GTPBP10: variants seen among roughly 807,000 people sequenced by gnomAD.
GTPBP10 encodes GTP-binding protein 10.
Under a neutral mutation model 44.8 loss-of-function variants are expected in GTPBP10, and 38 were observed. That is an observed-to-expected ratio of 0.85 (90% CI 0.65 to 1.11). The LOEUF (loss-of-function observed/expected upper bound fraction) is 1.11. Among genes scored for constraint, GTPBP10 ranks in the 50% most tolerant of loss-of-function variants. The pLI is 0.00. For missense variants in GTPBP10, 462 were observed against 453.7 expected (o/e 1.02, Z -0.17); for synonymous variants, 152 against 150.6 (o/e 1.01, Z -0.07).
At position 90,389,147 on chromosome 7, in the gene GTPBP10, C is replaced by T. The variant is rs754317729; in HGVS notation, c.*3993C>T. ...TCAAATCTGGTTTAAATCTGTCTCT[C>T]CTTAACGGAATAGAAAGTGAAACAA... is the stretch of plus-strand genomic sequence containing the variant. On this transcript the variant is annotated 3_prime_UTR_variant, in exon 10 of 10. Coordinates refer to ENST00000222511, the MANE Select transcript of GTPBP10 (RefSeq NM_033107.4). 1 of 152,158 alleles carries T rather than the reference C, an allele frequency of 6.6e-6. No individual in the cohort carries two copies. The highest frequency in any genetic ancestry group is 2.4e-5 in the African/African-American group (1 of 41,430). The allele number at this position is 152,158 out of a possible 1,614,324, so 9.4% of individuals were successfully genotyped here.
chr7:90,378,266 G>A (rs1240538308), intron 8 of GTPBP10, 55 bp downstream of exon 8: 11 of 1,534,710 alleles, frequency 7.2e-6, no homozygotes, highest in Non-Finnish European at 9.8e-6. Flanking sequence ...AGGAATGTAA[G>A]ACTATATGAA....
intron 4 of GTPBP10, among the ~76,000 whole-genome samples, chr7:90,357,021 G>A (rs1795916234): frequency 6.6e-6 from 1 of 152,186 alleles, no homozygotes; most frequent in South Asian, 2.1e-4. Flanking sequence ...AACTATTCTT[G>A]AAGAGTTACT....
rs17865175 is a variant in GTPBP10, at chr7:90,377,566, C to A, written c.651C>A (p.Gly217=). 194 of 1,611,148 alleles carry A rather than the reference C, an allele frequency of 1.2e-4. No homozygotes were observed. The African/African-American group carries it at 2.4e-3, about 20-fold the overall frequency. ...IEGAHMNKGM[G]HKFLKHIERT... ...GAGCACATATGAACAAAGGAATGGG[C>A]CACAAATTCCTCAAGCATATAGAAA... The change falls in exon 7 of 10, where the codon GGC becomes GGA. Residue 217 remains glycine, a synonymous_variant. Coordinates refer to ENST00000222511, the MANE Select transcript of GTPBP10 (RefSeq NM_033107.4).
chr7:90,347,930 A>G (rs952591795), intron 1 of GTPBP10, among the ~76,000 whole-genome samples: 1 of 152,254 alleles, frequency 6.6e-6, no homozygotes, highest in African/African-American at 2.4e-5. Context: ...GAGCAAGTGA[A>G]AAGGATACAG....
At chr7:90,361,014 T>C (rs1796008827) in intron 4 of GTPBP10, among the ~76,000 whole-genome samples, 1 of 152,228 alleles carries the variant, frequency 6.6e-6, no homozygotes, top group African/African-American at 2.4e-5. Flanking sequence ...TGAAGTTGCT[T>C]ATCAGCTTGA....
intron 2 of GTPBP10, among the ~76,000 whole-genome samples, chr7:90,353,468 A>G (rs942079826): frequency 9.2e-5 from 14 of 152,230 alleles, no homozygotes; most frequent in African/African-American, 3.1e-4. Context: ...TACAAAAATG[A>G]GAGTACAGTA....
In GTPBP10 at chr7:90,388,258, C is replaced by T. The variant is rs890654114; in HGVS notation, c.*3104C>T. ...TGAAGTAAGTCTTTTAACATTATCT[C>T]AGATGCATTTTATTTTGTCCTTAAG... On this transcript the variant is annotated 3_prime_UTR_variant, in exon 10 of 10. Coordinates refer to ENST00000222511, the MANE Select transcript of GTPBP10 (RefSeq NM_033107.4). 2.0e-5 allele frequency: 3 copies of T among 152,160 alleles called. No homozygotes were observed. The highest frequency in any genetic ancestry group is 7.2e-5 in the African/African-American group (3 of 41,422). The allele number at this position is 152,160 out of a possible 1,614,324, so 9.4% of individuals were successfully genotyped here.
Position 90,385,309 on chromosome 7 carries a change from T to G in GTPBP10, c.*155T>G, listed in dbSNP as rs1796505462. 3.5e-6 allele frequency: 2 copies of G among 566,896 alleles called. No homozygotes were observed. The highest frequency in any genetic ancestry group is 2.6e-5 in the South Asian group (1 of 38,982). The allele number at this position is 566,896 out of a possible 1,614,324, so 35.1% of individuals were successfully genotyped here. A position where few individuals can be genotyped will look rare whatever the true frequency, so the allele number is the denominator to read the frequency against. On this transcript the variant is annotated 3_prime_UTR_variant, in exon 10 of 10. Transcript: ENST00000222511. Reference sequence around the variant, plus strand: ...CTCACTGTGGAATCTTAAGTTGAACTCATAGAAGGAGAGAATAGAATGGTG... The same window carrying G: ...CTCACTGTGGAATCTTAAGTTGAACGCATAGAAGGAGAGAATAGAATGGTG...
chr7:90,367,293 A>G (rs1020477350), intron 4 of GTPBP10, among the ~76,000 whole-genome samples: 3 of 152,192 alleles, frequency 2.0e-5, no homozygotes, highest in Non-Finnish European at 2.9e-5. Context: ...GTTGATGTCT[A>G]TTAGGTCTGG....
chr7:90,373,833 C>G (rs565318322), intron 5 of GTPBP10, among the ~76,000 whole-genome samples: 1 of 152,172 alleles, frequency 6.6e-6, no homozygotes, highest in Non-Finnish European at 1.5e-5. Flanking sequence ...TGTCTTTTTC[C>G]AAATACTATT....
chr7:90,386,363 T>A lies in GTPBP10; in HGVS notation c.*1209T>A, dbSNP rs1277997439. 6.6e-6 allele frequency: 1 copy of A among 152,226 alleles called. No homozygotes were observed. The highest frequency in any genetic ancestry group is 1.5e-5 in the Non-Finnish European group (1 of 68,042). The allele number at this position is 152,226 out of a possible 1,614,324, so 9.4% of individuals were successfully genotyped here. A position where few individuals can be genotyped will look rare whatever the true frequency, so the allele number is the denominator to read the frequency against. ...TGACAGAAACTAGAAGATAGCTGTTTATGATTTGAGCTTTTGGAAAATTTT... is the reference window on the plus strand; with the variant it reads ...TGACAGAAACTAGAAGATAGCTGTTAATGATTTGAGCTTTTGGAAAATTTT... On this transcript the variant is annotated 3_prime_UTR_variant, in exon 10 of 10. Coordinates refer to ENST00000222511, the MANE Select transcript of GTPBP10 (RefSeq NM_033107.4).
At chr7:90,361,559 A>G (rs1584633554) in intron 4 of GTPBP10, among the ~76,000 whole-genome samples, 1 of 152,188 alleles carries the variant, frequency 6.6e-6, no homozygotes, top group East Asian at 1.9e-4. Context: ...GGATTTTTGC[A>G]TCAATGTTCA....
At chr7:90,380,338 A>G (rs976044182) in intron 8 of GTPBP10, among the ~76,000 whole-genome samples, 1 of 152,116 alleles carries the variant, frequency 6.6e-6, no homozygotes, top group African/African-American at 2.4e-5. Flanking sequence ...CTGGCTTCCC[A>G]GAGTGCTGGG....
intron 2 of GTPBP10, 66 bp from the exon 3 acceptor site, chr7:90,354,392 G>A (rs1332742756): frequency 7.7e-6 from 5 of 650,438 alleles, no homozygotes; most frequent in Non-Finnish European, 1.2e-5. Flanking sequence ...ACCATTTTGT[G>A]TGTATGTGTG....
At chr7:90,368,001 G>A (rs1796171164) in intron 4 of GTPBP10, among the ~76,000 whole-genome samples, 1 of 152,128 alleles carries the variant, frequency 6.6e-6, no homozygotes, top group Non-Finnish European at 1.5e-5. Flanking sequence ...CTCAGCATTT[G>A]CTTGTCTATA....
chr7:90,368,254 G>C (rs1476989806), intron 4 of GTPBP10, among the ~76,000 whole-genome samples: 2 of 152,090 alleles, frequency 1.3e-5, no homozygotes, highest in Non-Finnish European at 2.9e-5. Flanking sequence ...TGACAATTAT[G>C]TGTCTTGCGG....
At chr7:90,376,690 C>A (rs1266215175) in intron 6 of GTPBP10, among the ~76,000 whole-genome samples, 1 of 152,162 alleles carries the variant, frequency 6.6e-6, no homozygotes, top group Admixed American at 6.5e-5. Flanking sequence ...ACCACAGTTA[C>A]TTTTATACCA....
intron 4 of GTPBP10, among the ~76,000 whole-genome samples, chr7:90,363,898 C>G (rs991024230): frequency 6.6e-6 from 1 of 152,208 alleles, no homozygotes; most frequent in East Asian, 1.9e-4. Flanking sequence ...TCTTCAGTCA[C>G]TGATACCCTT....
At position 90,346,748 on chromosome 7, in the gene GTPBP10, C is replaced by G. The variant is rs769398948; in HGVS notation, c.7C>G (p.His3Asp). The change falls in exon 1 of 10, where the codon CAT (histidine) becomes GAT (aspartate). Residue 3 changes from histidine to aspartate, a missense_variant. Physicochemically the swap from His to Asp is moderately conservative, Grantham distance 81. Transcript: ENST00000222511. MVHCSCVLFRKYG... is the reference protein window; with the variant it reads MVDCSCVLFRKYG... Reference sequence around the variant, plus strand: ...TTCCTGGCCTGTTGCAGCCATGGTGCATTGCAGTTGCGTGTTGTTCAGAAA... The same window carrying G: ...TTCCTGGCCTGTTGCAGCCATGGTGGATTGCAGTTGCGTGTTGTTCAGAAA... The G allele has an allele frequency of 1.2e-6, 2 of 1,614,258 alleles. No individual in the cohort carries two copies. The highest frequency in any genetic ancestry group is 8.5e-7 in the Non-Finnish European group (1 of 1,180,042).
Sources: gnomAD v4.1 joint callset for allele counts (sites outside exome capture counted in the v4.1 genomes callset) on GRCh38, gnomAD v4.1.1 for gene constraint, MANE v1.5 for transcripts, NCBI Gene and HGNC (gene_info 2026-07-23, HGNC 2026-07-21) for gene names.